Variants in METTL25 observed in about 807,000 individuals in gnomAD.
METTL25 encodes methyltransferase like 25.
METTL25 carries 64 observed loss-of-function variants against 71.6 expected under a neutral mutation model. That is an observed-to-expected ratio of 0.89 (90% CI 0.73 to 1.10). The LOEUF is 1.10. Ranked by LOEUF, METTL25 falls within the 50% of genes least tolerant of loss-of-function variation. The probability of loss-of-function intolerance (pLI) is 0.00; values close to 1 mark genes in which losing one functional copy is unlikely to be tolerated. For missense variants in METTL25, 807 were observed against 707.0 expected (o/e 1.14, Z -1.60); for synonymous variants, 287 against 250.3 (o/e 1.15, Z -1.38).
At chr12:82,465,637 C>A (rs756000243) in intron 9 of METTL25, among the ~76,000 whole-genome samples, 2 of 151,966 alleles carry the variant, frequency 1.3e-5, no homozygotes, top group South Asian at 2.1e-4. Flanking sequence ...AGTAAGAATT[C>A]CCTACACTTT....
chr12:82,383,811 A>G (rs1884691028), intron 1 of METTL25, among the ~76,000 whole-genome samples: 1 of 152,164 alleles, frequency 6.6e-6, no homozygotes, highest in African/African-American at 2.4e-5. Flanking sequence ...GTGTATATAT[A>G]TGACTCTTCT....
At chr12:82,438,173 T>C (rs1890059581) in intron 7 of METTL25, among the ~76,000 whole-genome samples, 2 of 151,714 alleles carry the variant, frequency 1.3e-5, no homozygotes, top group African/African-American at 2.4e-5. Context: ...CAATCTCTTA[T>C]CCTATGTTCT....
intron 1 of METTL25, among the ~76,000 whole-genome samples, chr12:82,359,409 G>C (rs969653525): frequency 1.3e-5 from 2 of 152,178 alleles, no homozygotes; most frequent in African/African-American, 4.8e-5. Flanking sequence ...GCAGAGGCCA[G>C]ATGGCACAGG....
intron 1 of METTL25, among the ~76,000 whole-genome samples, chr12:82,378,582 T>G (rs1884118690): frequency 1.3e-5 from 2 of 152,184 alleles, no homozygotes; most frequent in Admixed American, 6.5e-5. Context: ...GAACTCAAAT[T>G]AATGAAATGC....
chr12:82,389,063 C>T (rs1885327797), intron 2 of METTL25, among the ~76,000 whole-genome samples: 1 of 152,080 alleles, frequency 6.6e-6, no homozygotes, highest in Non-Finnish European at 1.5e-5. Flanking sequence ...CATTTCAGTT[C>T]CCTACCACTC....
chr12:82,476,707 G>A lies in METTL25; in HGVS notation c.1636G>A (p.Ala546Thr), dbSNP rs1892901815. ...TAAGCCTCGAATGAATGAGCTGGAA[G>A]CTTTTAATATGGTAAATCTCAGAGT... ...KYKPRMNELE[A>T]FNMLKVVLAP... Residue 546 changes from alanine to threonine, a missense_variant, in exon 10 of 12, where the codon GCT becomes ACT. Transcript: ENST00000248306. The A allele has an allele frequency of 6.3e-7, 1 of 1,590,124 alleles. No individual in the cohort carries two copies. The highest frequency in any genetic ancestry group is 8.6e-7 in the Non-Finnish European group (1 of 1,167,942).
chr12:82,390,212 A>G (rs1197693407), intron 3 of METTL25, among the ~76,000 whole-genome samples: 1 of 151,898 alleles, frequency 6.6e-6, no homozygotes, highest in East Asian at 1.9e-4. Context: ...TCTTTGATAA[A>G]TTTTCTCTCC....
intron 1 of METTL25, among the ~76,000 whole-genome samples, chr12:82,368,318 A>T (rs974949103): frequency 6.6e-6 from 1 of 151,932 alleles, no homozygotes. Flanking sequence ...TGGTGCCTAC[A>T]TTTTTTTTAG....
At chr12:82,380,275 T>C (rs1000281052) in intron 1 of METTL25, among the ~76,000 whole-genome samples, 26 of 152,276 alleles carry the variant, frequency 1.7e-4, no homozygotes, top group Admixed American at 1.2e-3. Context: ...TCCAGCTCCA[T>C]CCATATCCCT....
At chr12:82,435,105 T>C (rs921456529) in intron 7 of METTL25, among the ~76,000 whole-genome samples, 2 of 151,520 alleles carry the variant, frequency 1.3e-5, no homozygotes, top group Non-Finnish European at 3.0e-5. Context: ...GTTGATTGTT[T>C]GATAAATTTT....
intron 3 of METTL25, among the ~76,000 whole-genome samples, chr12:82,391,540 A>ATGTGTG (rs59778065): frequency 0.087 from 13,106 of 150,670 alleles, 701 homozygotes; most frequent in African/African-American, 0.15. Flanking sequence ...TTGTTAGTAT[A>ATGTGTG]TGTGTGTGTG....
At position 82,434,717 on chromosome 12, in the gene METTL25, GC is replaced by G; in HGVS notation, c.1399del (p.Gln467LysfsTer49). 6.2e-7 allele frequency: 1 copy of G among 1,609,270 alleles called. No homozygotes were observed. Among genetic ancestry groups the G allele is most frequent in the African/African-American group, 1.3e-5 (1 of 74,638 alleles). ...AAGGCATTGGAGCGGGTTGCAGCTG[GC>G]CAAGGGGTAAGTAAGAGTGTTAACT... Reference protein sequence around the residue: ...ACLALERVAAGQGLPTESLFY... With the variant: ...ACLALERVAAXQGLPTESLFY... On this transcript the variant is annotated frameshift_variant, in exon 7 of 12. Coordinates refer to ENST00000248306, the MANE Select transcript of METTL25 (RefSeq NM_032230.3). LOFTEE classifies it high-confidence loss of function.
chr12:82,441,137 C>CT (rs1890292856), intron 8 of METTL25, among the ~76,000 whole-genome samples: 1 of 152,018 alleles, frequency 6.6e-6, no homozygotes, highest in Admixed American at 6.6e-5. Flanking sequence ...TAAGAGTGAA[C>CT]TAGAATAGTC....
intron 1 of METTL25, among the ~76,000 whole-genome samples, chr12:82,378,948 C>T (rs1884159086): frequency 6.6e-6 from 1 of 152,164 alleles, no homozygotes; most frequent in South Asian, 2.1e-4. Context: ...GAGAGGATCA[C>T]TTGAGCCCTG....
chr12:82,457,773 C>T (rs967902665), intron 9 of METTL25, among the ~76,000 whole-genome samples: 3 of 151,962 alleles, frequency 2.0e-5, no homozygotes, highest in Non-Finnish European at 4.4e-5. Context: ...CAACATGATG[C>T]TTATAAATAT....
intron 2 of METTL25, among the ~76,000 whole-genome samples, chr12:82,388,240 G>A (rs1318323339): frequency 6.6e-6 from 1 of 151,982 alleles, no homozygotes; most frequent in Non-Finnish European, 1.5e-5. Context: ...ACTTGGTAAA[G>A]GTGGGTCTAC....
At chr12:82,392,414 G>T (rs1310887322) in intron 3 of METTL25, among the ~76,000 whole-genome samples, 1 of 151,902 alleles carries the variant, frequency 6.6e-6, no homozygotes, top group Non-Finnish European at 1.5e-5. Flanking sequence ...TTTCATCCAT[G>T]TCCCTACAAA....
intron 4 of METTL25, among the ~76,000 whole-genome samples, chr12:82,400,961 G>A (rs1039185109): frequency 1.5e-4 from 23 of 151,900 alleles, no homozygotes; most frequent in Admixed American, 1.1e-3. Flanking sequence ...AGAGAAATTC[G>A]TAGCTTTATT....
intron 6 of METTL25, among the ~76,000 whole-genome samples, chr12:82,431,864 A>G (rs1397640417): frequency 1.3e-5 from 2 of 151,638 alleles, no homozygotes; most frequent in Non-Finnish European, 3.0e-5. Flanking sequence ...GTTGGGCAAA[A>G]TCATCTAACA....
Sources: allele counts gnomAD v4.1 joint callset (sites outside exome capture counted in the v4.1 genomes callset), GRCh38; gene constraint gnomAD v4.1.1; transcripts MANE v1.5; gene names NCBI Gene and HGNC (gene_info 2026-07-23, HGNC 2026-07-21).